Variants in BBX observed in about 807,000 individuals in gnomAD.
BBX encodes the protein BBX high mobility group box domain containing.
A neutral mutation model predicts 100.2 loss-of-function variants in BBX; 30 were observed. The ratio of observed to expected loss-of-function variants is 0.30; its 90% CI spans 0.22 to 0.41. The LOEUF (loss-of-function observed/expected upper bound fraction) is 0.41. Among genes scored for constraint, BBX ranks in the 10% least tolerant of loss-of-function variants. BBX has a pLI of 1.00. For synonymous variants in BBX, 376 were observed against 388.1 expected, an observed-to-expected ratio of 0.97 and a Z score of 0.37; for missense variants, 1,023 against 1,129.8, an observed-to-expected ratio of 0.91 and a Z score of 1.35.
intron 7 of BBX, among the ~76,000 whole-genome samples, chr3:107,740,428 T>A (rs2063993836): frequency 6.6e-6 from 1 of 152,090 alleles, no homozygotes. Flanking sequence ...TTTGATTCAG[T>A]TGGAGTCTCA....
chr3:107,585,261 G>A (rs892088163), intron 2 of BBX, among the ~76,000 whole-genome samples: 2 of 152,168 alleles, frequency 1.3e-5, no homozygotes, highest in Non-Finnish European at 2.9e-5. Context: ...CCATCTAACA[G>A]TGGGTTGAGG....
chr3:107,605,997 G>A (rs530242853), intron 2 of BBX, among the ~76,000 whole-genome samples: 5 of 152,226 alleles, frequency 3.3e-5, no homozygotes, highest in African/African-American at 4.8e-5. Flanking sequence ...CTTTCGAAAA[G>A]CTCCAATGAT....
At chr3:107,769,954 G>A (rs997305200) in intron 10 of BBX, among the ~76,000 whole-genome samples, 2 of 152,146 alleles carry the variant, frequency 1.3e-5, no homozygotes, top group African/African-American at 4.8e-5. Context: ...TGATTTACAT[G>A]TATAGTTTCA....
chr3:107,568,465 C>T (rs535873052), intron 2 of BBX, among the ~76,000 whole-genome samples: 8 of 152,028 alleles, frequency 5.3e-5, no homozygotes, highest in South Asian at 2.1e-4. Flanking sequence ...GGGGTTTCAC[C>T]GTGTTAGCCA....
At chr3:107,530,066 T>C (rs1326392203) in intron 2 of BBX, among the ~76,000 whole-genome samples, 1 of 152,142 alleles carries the variant, frequency 6.6e-6, no homozygotes, top group African/African-American at 2.4e-5. Flanking sequence ...GATAGTGAAA[T>C]GACTTCAGAT....
At chr3:107,720,537 C>T (rs1390793773) in intron 5 of BBX, among the ~76,000 whole-genome samples, 1 of 151,886 alleles carries the variant, frequency 6.6e-6, no homozygotes, top group Non-Finnish European at 1.5e-5. Flanking sequence ...CTAGGTTATA[C>T]ATAGAAGAGT....
intron 10 of BBX, among the ~76,000 whole-genome samples, chr3:107,762,340 C>G (rs553497520): frequency 5.1e-4 from 77 of 152,308 alleles, no homozygotes; most frequent in African/African-American, 1.9e-3. Context: ...CCAGTTGTTG[C>G]AGCAAACTAC....
intron 2 of BBX, among the ~76,000 whole-genome samples, chr3:107,625,388 T>G (rs905606305): frequency 1.3e-5 from 2 of 152,118 alleles, no homozygotes; most frequent in African/African-American, 4.8e-5. Flanking sequence ...AGCGATTCTC[T>G]TGCCTCAGCC....
chr3:107,659,887 T>C (rs888710554), intron 3 of BBX: 10 of 467,354 alleles, frequency 2.1e-5, no homozygotes, highest in African/African-American at 4.2e-5. Flanking sequence ...GAGGGACGTA[T>C]AATATGACAG....
At chr3:107,623,878 C>T (rs2055967024) in intron 2 of BBX, among the ~76,000 whole-genome samples, 1 of 152,130 alleles carries the variant, frequency 6.6e-6, no homozygotes, top group African/African-American at 2.4e-5. Context: ...ACCTATTTTA[C>T]TCCCTATTTT....
At chr3:107,564,357 C>A (rs556415012) in intron 2 of BBX, among the ~76,000 whole-genome samples, 64 of 151,874 alleles carry the variant, frequency 4.2e-4, no homozygotes, top group African/African-American at 1.4e-3. Context: ...ATTTTTTTAA[C>A]TTTGTAGTGT....
chr3:107,727,399 T>C (rs899937737), intron 5 of BBX, among the ~76,000 whole-genome samples: 5 of 152,148 alleles, frequency 3.3e-5, no homozygotes, highest in Non-Finnish European at 7.4e-5. Flanking sequence ...GTCTCTTGTA[T>C]CACAGTTGAT....
chr3:107,798,634 G>A lies in BBX; in HGVS notation c.2465G>A (p.Ser822Asn). 6.2e-7 allele frequency: 1 copy of A among 1,614,118 alleles called. No homozygotes were observed. The highest frequency in any genetic ancestry group is 8.5e-7 in the Non-Finnish European group (1 of 1,180,026). ...ACAACGCAAGAACCTTTGGTGGGCAGCCAAAAGAGAAAAGCAAGGAAAACC... is the reference window on the plus strand; with the variant it reads ...ACAACGCAAGAACCTTTGGTGGGCAACCAAAAGAGAAAAGCAAGGAAAACC... The part of the protein sequence containing the change: ...PTTTQEPLVG[S>N]QKRKARKTKI... Residue 822 changes from serine (S) to asparagine (N), a missense_variant, in exon 16 of 18, where the codon AGC (serine) becomes AAC (asparagine). Physicochemically the swap from Ser to Asn is conservative, Grantham distance 46. Transcript: ENST00000325805.
intron 13 of BBX, among the ~76,000 whole-genome samples, chr3:107,782,916 TATC>T (rs2068050139): frequency 1.3e-5 from 2 of 151,982 alleles, no homozygotes. Context: ...AAGCTTGAGA[TATC>T]ATAGTAGAGT....
intron 2 of BBX, among the ~76,000 whole-genome samples, chr3:107,624,275 A>C: frequency 6.6e-6 from 1 of 152,244 alleles, no homozygotes; most frequent in East Asian, 1.9e-4. Context: ...TCCATTACAT[A>C]AAACAAGGCA....
Position 107,806,823 on chromosome 3 carries a change from A to G in BBX, c.*1366A>G, listed in dbSNP as rs115679898. Reference sequence around the variant, plus strand: ...ACAGATTTTACAGGGTATTTGTTCTATAGCACAAAGTATTTCCCCACTCTT... The same window carrying G: ...ACAGATTTTACAGGGTATTTGTTCTGTAGCACAAAGTATTTCCCCACTCTT... On this transcript the variant is annotated 3_prime_UTR_variant, in exon 18 of 18. Coordinates refer to ENST00000325805, the MANE Select transcript of BBX (RefSeq NM_001142568.3). 8.2e-4 allele frequency: 125 copies of G among 152,344 alleles called. No homozygotes were observed. Among genetic ancestry groups the G allele is most frequent in the African/African-American group, 2.9e-3 (122 of 41,576 alleles). The allele number at this position is 152,344 out of a possible 1,614,324, so 9.4% of individuals were successfully genotyped here. A position where few individuals can be genotyped will look rare whatever the true frequency, so the allele number is the denominator to read the frequency against.
At chr3:107,543,631 GCAAAACA>G (rs2049013031) in intron 2 of BBX, among the ~76,000 whole-genome samples, 1 of 152,152 alleles carries the variant, frequency 6.6e-6, no homozygotes, top group Non-Finnish European at 1.5e-5. Flanking sequence ...GCAAGAATTT[GCAAAACA>G]ATAACACATT....
At chr3:107,765,438 G>A (rs537912284) in intron 10 of BBX, among the ~76,000 whole-genome samples, 26 of 152,016 alleles carry the variant, frequency 1.7e-4, no homozygotes, top group African/African-American at 3.4e-4. Flanking sequence ...TGTGGGTTTA[G>A]GGGTGGGTGT....
chr3:107,752,845 C>T (rs1370515846), intron 9 of BBX, among the ~76,000 whole-genome samples: 2 of 152,214 alleles, frequency 1.3e-5, no homozygotes, highest in Non-Finnish European at 2.9e-5. Flanking sequence ...ACCTAGCAAA[C>T]ACACACTTCC....
Sources: gnomAD v4.1 joint callset for allele counts (sites outside exome capture counted in the v4.1 genomes callset) on GRCh38, gnomAD v4.1.1 for gene constraint, MANE v1.5 for transcripts, NCBI Gene and HGNC (gene_info 2026-07-23, HGNC 2026-07-21) for gene names.